The following AK8 variants were observed in gnomAD, a reference collection of about 807,000 sequenced individuals.
The protein encoded by AK8 is adenylate kinase 8, also known as ATP-AMP transphosphorylase 8.
A neutral mutation model predicts 54.6 loss-of-function variants in AK8; 44 were observed. That is an observed-to-expected ratio of 0.81 (90% confidence interval 0.63 to 1.04). The LOEUF (loss-of-function observed/expected upper bound fraction) is 1.04, where lower values mean the gene tolerates loss of function less well. Ranked by LOEUF, AK8 falls within the 50% of genes least tolerant of loss-of-function variation. AK8 has a pLI of 0.00. For synonymous variants in AK8, 239 were observed against 245.6 expected (o/e 0.97, Z 0.25); for missense variants, 555 against 613.6 (o/e 0.90, Z 1.01).
chr9:132,765,548 G>A (rs1838692722), intron 11 of AK8, among the ~76,000 whole-genome samples: 1 of 152,146 alleles, frequency 6.6e-6, no homozygotes, highest in Non-Finnish European at 1.5e-5. Flanking sequence ...GGGAGGCTGA[G>A]GTGGGAGGAT....
At chr9:132,774,154 T>A (rs2131099931) in intron 11 of AK8, among the ~76,000 whole-genome samples, 1 of 152,088 alleles carries the variant, frequency 6.6e-6, no homozygotes, top group Admixed American at 6.5e-5. Flanking sequence ...GAATCCACGC[T>A]CCTGAGACAG....
rs568672651 is a variant in AK8, at chr9:132,818,854, A to G, written c.890-4127T>C. On this transcript the variant is annotated intron_variant, in intron 9 of 12. Transcript: ENST00000298545. The stretch of plus-strand genomic sequence containing the variant: ...CAGAGCAAGACCCCGTCTCTTAAAA[A>G]AAAAAAAGTGAGACCCAACTATATG... Among the ~76,000 whole-genome samples the G allele has an allele frequency of 2.6e-5, 4 of 152,308 alleles. No homozygotes were observed. In the East Asian group the frequency reaches 7.7e-4, roughly 29 times the overall value.
intron 9 of AK8, among the ~76,000 whole-genome samples, chr9:132,816,722 T>C (rs1389995402): frequency 5.9e-5 from 9 of 152,218 alleles, no homozygotes; most frequent in Non-Finnish European, 1.2e-4. Flanking sequence ...GAGACAGGTC[T>C]GTAATCCTTG....
chr9:132,761,875 TTTG>T (rs1838491239), intron 11 of AK8, among the ~76,000 whole-genome samples: 1 of 151,706 alleles, frequency 6.6e-6, no homozygotes, highest in Non-Finnish European at 1.5e-5. Flanking sequence ...CTCTCTCTCT[TTTG>T]TTTTCTTTAG....
intron 11 of AK8, among the ~76,000 whole-genome samples, chr9:132,737,516 T>G (rs1371900585): frequency 2.0e-5 from 3 of 152,118 alleles, no homozygotes; most frequent in African/African-American, 4.8e-5. Flanking sequence ...TAGCATTACA[T>G]AAAAAGAATA....
chr9:132,751,809 T>C (rs547737803), intron 11 of AK8, among the ~76,000 whole-genome samples: 5 of 152,072 alleles, frequency 3.3e-5, no homozygotes, highest in African/African-American at 1.2e-4. Context: ...TGTGTGCAAT[T>C]AAGACCCTGT....
intron 5 of AK8, among the ~76,000 whole-genome samples, chr9:132,840,448 A>AT (rs61402800): frequency 8.9e-5 from 13 of 145,470 alleles, no homozygotes; most frequent in African/African-American, 3.3e-4. Context: ...ACACACACAC[A>AT]AGGCAAGTGA....
At chr9:132,839,828 G>GT (rs1554801284) in intron 5 of AK8, among the ~76,000 whole-genome samples, 21 of 147,528 alleles carry the variant, frequency 1.4e-4, no homozygotes, top group Admixed American at 6.8e-4. Context: ...GCCGGGGGGG[G>GT]GGGCGCAGGG....
chr9:132,859,965 C>A (rs141824875), intron 4 of AK8, among the ~76,000 whole-genome samples: 1 of 152,000 alleles, frequency 6.6e-6, no homozygotes, highest in East Asian at 1.9e-4. Context: ...CGGTGTTCGG[C>A]GAGAGGACTG....
intron 4 of AK8, among the ~76,000 whole-genome samples, chr9:132,857,803 A>G (rs972750120): frequency 6.6e-6 from 1 of 152,204 alleles, no homozygotes; most frequent in African/African-American, 2.4e-5. Context: ...AGCAGGGGAC[A>G]GGCCTGCGGC....
intron 11 of AK8, among the ~76,000 whole-genome samples, chr9:132,758,977 C>T (rs1227880932): frequency 1.3e-5 from 2 of 151,836 alleles, no homozygotes; most frequent in Non-Finnish European, 2.9e-5. Flanking sequence ...GTGGGAGGAT[C>T]GCTTGAGCCC....
chr9:132,834,440 G>C (rs1451102569), intron 5 of AK8, among the ~76,000 whole-genome samples: 1 of 152,182 alleles, frequency 6.6e-6, no homozygotes, highest in African/African-American at 2.4e-5. Flanking sequence ...AAGATGACTA[G>C]CAAGAATTTT....
chr9:132,774,459 T>C (rs1190105881), intron 11 of AK8, among the ~76,000 whole-genome samples: 5 of 152,222 alleles, frequency 3.3e-5, no homozygotes, highest in Non-Finnish European at 7.3e-5. Flanking sequence ...ATCTGCCACC[T>C]GAATCTGGCA....
rs1305337075 is a variant in AK8, at chr9:132,799,896, TGGTCCCTG to T, written c.980-7129_980-7122del. ...CTGGCATTTGCTTCTCTTTCTCCTG[TGGTCCCTG>T]GGTCCCTGGGTCCCGCCCCTCCTGA... On this transcript the variant is annotated intron_variant, in intron 10 of 12. Transcript: ENST00000298545. This position sits in a 1 kb window ranked among gnomAD's most constrained non-coding sequence, Gnocchi z 5.0. 1.3e-5 allele frequency among the ~76,000 whole-genome samples: 2 copies of T among 152,138 alleles called. No homozygotes were observed. Among genetic ancestry groups the T allele is most frequent in the Non-Finnish European group, 2.9e-5 (2 of 68,008 alleles).
At chr9:132,755,693 C>T (rs1838155171) in intron 11 of AK8, among the ~76,000 whole-genome samples, 1 of 152,052 alleles carries the variant, frequency 6.6e-6, no homozygotes. Context: ...CATCCCAGGG[C>T]CAAAGAGAAC....
At chr9:132,795,450 ACCTT>A (rs1840123118) in intron 10 of AK8, among the ~76,000 whole-genome samples, 1 of 152,204 alleles carries the variant, frequency 6.6e-6, no homozygotes, top group Non-Finnish European at 1.5e-5. Flanking sequence ...TGATCCAGAG[ACCTT>A]GTGTTTTCTT....
rs111752602 is a variant in AK8 at position 132,782,296 on chromosome 9, C to A, written c.1121+10338G>T. ...CAGAAAACCAGCACAGGATTCTCTC[C>A]CCTGACCTGTTAATGACACCCTGCC... is the stretch of plus-strand genomic sequence containing the variant. On this transcript the variant is annotated intron_variant, in intron 11 of 12. Coordinates refer to ENST00000298545, the MANE Select transcript of AK8 (RefSeq NM_152572.3). Among the ~76,000 whole-genome samples, 222 of 152,226 alleles carry A rather than the reference C, an allele frequency of 1.5e-3. 1 individual carries two copies. Among genetic ancestry groups the A allele is most frequent in the African/African-American group, 4.4e-3 (181 of 41,526 alleles).
chr9:132,742,178 T>C lies in AK8; in HGVS notation c.1122-14644A>G, dbSNP rs191599849. Among the ~76,000 whole-genome samples, 340 of 151,388 alleles carry C rather than the reference T, an allele frequency of 2.2e-3. 1 individual carries two copies. Among genetic ancestry groups the C allele is most frequent in the Admixed American group, 8.6e-3 (131 of 15,208 alleles). Reference sequence around the variant, plus strand: ...AGTTGATGGACTTGGACTTTTTTTTTTTTTTTTTTTGAGAGAGATAGAGTC... The same window carrying C: ...AGTTGATGGACTTGGACTTTTTTTTCTTTTTTTTTTGAGAGAGATAGAGTC... On this transcript the variant is annotated intron_variant, in intron 11 of 12. Transcript: ENST00000298545.
At chr9:132,801,575 C>T (rs988984993) in intron 10 of AK8, among the ~76,000 whole-genome samples, 1 of 152,118 alleles carries the variant, frequency 6.6e-6, no homozygotes, top group African/African-American at 2.4e-5. Context: ...GGGCTTAGAA[C>T]CAGTTTTTTC....
Sources: gnomAD v4.1 joint callset for allele counts (sites outside exome capture counted in the v4.1 genomes callset) on GRCh38, gnomAD v4.1.1 for gene constraint, Gnocchi (gnomAD v3.1) non-coding constraint, MANE v1.5 for transcripts, NCBI Gene and HGNC (gene_info 2026-07-23, HGNC 2026-07-21) for gene names.